Variants in ARAP1 observed in about 807,000 individuals in gnomAD.
The protein encoded by ARAP1 is ArfGAP with RhoGAP domain, ankyrin repeat and PH domain 1.
A neutral mutation model predicts 172.2 loss-of-function variants in ARAP1; 76 were observed. That is an observed-to-expected ratio of 0.44 (90% confidence interval 0.37 to 0.53). ARAP1 has a LOEUF of 0.53. ARAP1 is among the 20% of genes least tolerant of loss of function. ARAP1 has a pLI of 0.00. For synonymous variants in ARAP1, 804 were observed against 803.3 expected (o/e 1.00, Z -0.01); for missense variants, 1,686 against 1,977.5 (o/e 0.85, Z 2.80).
At chr11:72,713,734 C>A (rs1387495886) in intron 4 of ARAP1, among the ~76,000 whole-genome samples, 4 of 151,768 alleles carry the variant, frequency 2.6e-5, no homozygotes, top group African/African-American at 9.7e-5. Flanking sequence ...GTAGTCCCAG[C>A]TACTCGGGAG....
chr11:72,745,329 C>T (rs1424293614), intron 1 of ARAP1, among the ~76,000 whole-genome samples: 1 of 150,418 alleles, frequency 6.6e-6, no homozygotes, highest in Non-Finnish European at 1.5e-5. Context: ...GCTGGGACTA[C>T]AGGCGCCTGC....
intron 1 of ARAP1, among the ~76,000 whole-genome samples, chr11:72,736,730 C>G (rs1046638277): frequency 6.6e-6 from 1 of 152,138 alleles, no homozygotes; most frequent in African/African-American, 2.4e-5. Context: ...TACAGTCCCA[C>G]CCCCACTCAA....
Position 72,699,202 on chromosome 11 carries a change from A to G in ARAP1, c.2439-95T>C, listed in dbSNP as rs868866171. On this transcript the variant is annotated intron_variant, in intron 17 of 34. Transcript: ENST00000393609. This position sits in a 1 kb window ranked among gnomAD's most constrained non-coding sequence, Gnocchi z 4.2. ...AACCGCCATCCTCTGCCCCCTCCGC[A>G]CTGCCTTGGCGCTTGTCCTTATTCT... 1 of 1,468,190 alleles carries G rather than the reference A, an allele frequency of 6.8e-7. No individual in the cohort carries two copies. The highest frequency in any genetic ancestry group is 1.4e-5 in the African/African-American group (1 of 72,094). 90.9% of individuals were successfully genotyped at this position (1,468,190 alleles called of 1,614,324 possible). A position where few individuals can be genotyped will look rare whatever the true frequency, so the allele number is the denominator to read the frequency against.
At chr11:72,700,039 TC>T (rs1426462731) in intron 16 of ARAP1, 1 of 176,934 alleles carries the variant, frequency 5.7e-6, no homozygotes, top group East Asian at 1.7e-4. Context: ...GAAGCATCTA[TC>T]ACTCTGTACT....
intron 13 of ARAP1, 40 bp downstream of exon 13, chr11:72,705,765 G>A (rs1321642707): frequency 1.2e-6 from 2 of 1,609,124 alleles, no homozygotes; most frequent in Non-Finnish European, 1.7e-6. Context: ...GTTGAATGGG[G>A]CAGACCCCAA....
chr11:72,744,487 A>G (rs984321232), intron 1 of ARAP1, among the ~76,000 whole-genome samples: 7 of 152,136 alleles, frequency 4.6e-5, no homozygotes, highest in Non-Finnish European at 1.0e-4. Context: ...CCAGTACCAC[A>G]CAACCCAACC....
In ARAP1 at chr11:72,699,120, A is replaced by G. The variant is rs1856350824; in HGVS notation, c.2439-13T>C. On this transcript the variant is annotated splice_polypyrimidine_tract_variant and intron_variant, in intron 17 of 34. Transcript: ENST00000393609. This position sits in a 1 kb window ranked among gnomAD's most constrained non-coding sequence, Gnocchi z 4.2. ...GGTGTGCTCAAAGCTGCAAATACACAGGCCAGGACTCAGGCCCACCTCATC... is the reference window on the plus strand; with the variant it reads ...GGTGTGCTCAAAGCTGCAAATACACGGGCCAGGACTCAGGCCCACCTCATC... 6.2e-7 allele frequency: 1 copy of G among 1,613,722 alleles called. No individual in the cohort carries two copies. Among genetic ancestry groups the G allele is most frequent in the East Asian group, 2.2e-5 (1 of 44,876 alleles).
At chr11:72,743,370 C>A (rs1858258152) in intron 1 of ARAP1, among the ~76,000 whole-genome samples, 1 of 152,202 alleles carries the variant, frequency 6.6e-6, no homozygotes, top group South Asian at 2.1e-4. Flanking sequence ...GTGCCCCCAC[C>A]CCCAACCCCC....
rs1429919772 is a variant in ARAP1 at position 72,697,330 on chromosome 11, C to A, written c.2946G>T (p.Thr982=). ...CCTAGGGGCAGGGCTCACCGCACTG[C>A]GTGATGTAGTCCACACAGCGGTACA... ...VIVYRCVDYI[T]QCGLTSEGIY... Residue 982 remains threonine, a synonymous_variant, in exon 21 of 35, where the codon ACG becomes ACT. Transcript: ENST00000393609. The A allele has an allele frequency of 1.3e-6, 2 of 1,588,706 alleles. No homozygotes were observed. Among genetic ancestry groups the A allele is most frequent in the Non-Finnish European group, 8.6e-7 (1 of 1,167,880 alleles).
At chr11:72,688,622 C>A in intron 30 of ARAP1, 85 bp from the exon 31 acceptor site, 1 of 1,159,280 alleles carries the variant, frequency 8.6e-7, no homozygotes, top group Non-Finnish European at 1.3e-6. Flanking sequence ...CTCCCTCTTC[C>A]AACTCCCCAG....
intron 34 of ARAP1, 95 bp downstream of exon 34, chr11:72,685,947 G>A (rs776140046): frequency 1.2e-6 from 2 of 1,603,760 alleles, no homozygotes; most frequent in East Asian, 4.5e-5. Flanking sequence ...GGGCAATCGG[G>A]GAGGGCAATC....
In ARAP1 at chr11:72,697,982, G is replaced by A. The variant is rs377110610; in HGVS notation, c.2666C>T (p.Ser889Leu). Residue 889 changes from serine to leucine, a missense_variant, in exon 19 of 35, where the codon TCG (serine) becomes TTG (leucine). This residue lies in a region of ARAP1 where 274 missense variants were observed against 262.7 expected (regional missense o/e 1.04). Coordinates refer to ENST00000393609, the MANE Select transcript of ARAP1 (RefSeq NM_001040118.3). ...AQEGWFSLSGSELRAVFPEGP... is the reference protein window; with the variant it reads ...AQEGWFSLSGLELRAVFPEGP... ...CTCCGGGAAGACAGCACGGAGCTCC[G>A]AGCCACTGAGAGAGAACCAGCCCTC... 14 of 1,611,914 alleles carry A rather than the reference G, an allele frequency of 8.7e-6. No individual in the cohort carries two copies. The highest frequency in any genetic ancestry group is 1.6e-4 in the Middle Eastern group (1 of 6,072).
At chr11:72,740,143 C>A (rs1858156294) in intron 1 of ARAP1, among the ~76,000 whole-genome samples, 1 of 152,186 alleles carries the variant, frequency 6.6e-6, no homozygotes, top group Non-Finnish European at 1.5e-5. Context: ...GGGTTTCAGT[C>A]CTCCTTCTTC....
Position 72,697,199 on chromosome 11 carries a change from G to A in ARAP1, c.2954-4C>T, listed in dbSNP as rs778316825. 6 of 1,596,010 alleles carry A rather than the reference G, an allele frequency of 3.8e-6. No individual in the cohort carries two copies. The highest frequency in any genetic ancestry group is 2.2e-5 in the East Asian group (1 of 44,582). ...TAGATGCCCTCGGAGGTCAGGCCTA[G>A]GGAGGGGCGGGGCCAAGCGTTCGGG... is the stretch of plus-strand genomic sequence containing the variant. On this transcript the variant is annotated splice_polypyrimidine_tract_variant and splice_region_variant and intron_variant, in intron 21 of 34. Coordinates refer to ENST00000393609, the MANE Select transcript of ARAP1 (RefSeq NM_001040118.3).
chr11:72,712,464 A>C lies in ARAP1; in HGVS notation c.852T>G (p.Asp284Glu). The C allele has an allele frequency of 6.2e-7, 1 of 1,600,608 alleles. No homozygotes were observed. ...TGGGGACGCCCTCATAGGCGTGGTC[A>C]TCCTCTTCCTCATCCCCTTGGTCGT... ...SGDDQGDEEE[D>E]DHAYEGVPNG... Residue 284 changes from aspartate to glutamate, a missense_variant, in exon 6 of 35, where the codon GAT becomes GAG. Asp to Glu is a conservative substitution (Grantham distance 45, BLOSUM62 2). Coordinates refer to ENST00000393609, the MANE Select transcript of ARAP1 (RefSeq NM_001040118.3).
intron 27 of ARAP1, among the ~76,000 whole-genome samples, chr11:72,694,473 C>A (rs1223494537): frequency 1.3e-5 from 2 of 151,940 alleles, no homozygotes; most frequent in African/African-American, 4.8e-5. Flanking sequence ...GTAACCCCTA[C>A]TCTTCCTTCC....
intron 2 of ARAP1, among the ~76,000 whole-genome samples, chr11:72,730,576 T>C (rs1430693380): frequency 6.6e-6 from 1 of 152,180 alleles, no homozygotes; most frequent in Non-Finnish European, 1.5e-5. Context: ...CAGACACCTG[T>C]AATCCCAGCT....
At chr11:72,692,816 A>G (rs1268900738) in intron 29 of ARAP1, 31 bp from the exon 30 acceptor site, 14 of 1,612,524 alleles carry the variant, frequency 8.7e-6, no homozygotes, top group Admixed American at 1.7e-5. Flanking sequence ...GTTATGGAAG[A>G]AGTCCCAGGT....
intron 1 of ARAP1, among the ~76,000 whole-genome samples, chr11:72,739,696 T>G (rs1468897493): frequency 6.6e-6 from 1 of 152,214 alleles, no homozygotes; most frequent in Non-Finnish European, 1.5e-5. Flanking sequence ...GCATGTGTAC[T>G]GGAGGCCAGC....
Sources: gnomAD v4.1 joint callset for allele counts (sites outside exome capture counted in the v4.1 genomes callset) on GRCh38, gnomAD v4.1.1 for gene constraint, gnomAD v4.1.1 regional missense constraint, Gnocchi (gnomAD v3.1) non-coding constraint, MANE v1.5 for transcripts, NCBI Gene and HGNC (gene_info 2026-07-23, HGNC 2026-07-21) for gene names.